Variants in MROH6 observed in about 807,000 individuals in gnomAD.
MROH6 encodes the protein maestro heat like repeat family member 6.
A neutral mutation model predicts 67.7 loss-of-function variants in MROH6; 62 were observed. The ratio of observed to expected loss-of-function variants is 0.92; its 90% CI spans 0.75 to 1.13. The LOEUF (loss-of-function observed/expected upper bound fraction) is 1.13, where lower values mean the gene tolerates loss of function less well. Ranked by LOEUF, MROH6 falls within the 50% of genes most tolerant of loss-of-function variation. The pLI, the probability that MROH6 is intolerant of heterozygous loss-of-function variation, is 0.00. For missense variants in MROH6, 1,175 were observed against 1,029.1 expected (o/e 1.14, Z -1.94); for synonymous variants, 566 against 470.8 (o/e 1.20, Z -2.62).
chr8:143,571,323 T>C (rs1268219464), intron 3 of MROH6, among the ~76,000 whole-genome samples: 1 of 151,592 alleles, frequency 6.6e-6, no homozygotes, highest in African/African-American at 2.4e-5. Flanking sequence ...CTGGGGCCAA[T>C]TAACCAAAGA....
chr8:143,568,789 G>T (rs1056538025), intron 9 of MROH6, 70 bp from the exon 10 acceptor site: 14 of 1,235,122 alleles, frequency 1.1e-5, no homozygotes, highest in African/African-American at 1.6e-5. Context: ...GGGGCGGCCA[G>T]CGCGGAGCGA....
Position 143,572,122 on chromosome 8 carries a change from G to A in MROH6, c.358C>T (p.Leu120=). Residue 120 remains leucine (L), a synonymous_variant, in exon 2 of 14, where the codon CTG becomes TTG. Coordinates refer to ENST00000398882, the MANE Select transcript of MROH6 (RefSeq NM_001100878.2). The part of the protein sequence containing the change: ...ADLALYTAAC[L]EEAGFAGTQA... Reference sequence around the variant, plus strand: ...GTCCCTGCAAAGCCAGCCTCCTCCAGGCAGGCAGCCGTGTACAACGCGAGG... The same window carrying A: ...GTCCCTGCAAAGCCAGCCTCCTCCAAGCAGGCAGCCGTGTACAACGCGAGG... 1 of 1,612,940 alleles carries A rather than the reference G, an allele frequency of 6.2e-7. No individual in the cohort carries two copies. Among genetic ancestry groups the A allele is most frequent in the Non-Finnish European group, 8.5e-7 (1 of 1,179,776 alleles).
At chr8:143,571,613 G>A (rs1483449608) in intron 3 of MROH6, 54 bp downstream of exon 3, 48 of 1,545,040 alleles carry the variant, frequency 3.1e-5, no homozygotes, top group South Asian at 4.8e-5. Context: ...ACCGCCAAGC[G>A]GGAAGAGGGA....
Position 143,570,347 on chromosome 8 carries a change from G to T in MROH6, c.939C>A (p.Thr313=), listed in dbSNP as rs201399251. Reference sequence around the variant, plus strand: ...TGACCACCATGCGGCCTCCATCCCCGGTGAGCAGCGCCTTCAAGGCCTCCA... The same window carrying T: ...TGACCACCATGCGGCCTCCATCCCCTGTGAGCAGCGCCTTCAAGGCCTCCA... The part of the protein sequence containing the change: ...CAVEALKALL[T]GDGGRMVVTC... The change falls in exon 6 of 14, where the codon ACC becomes ACA. Residue 313 remains threonine (T), a synonymous_variant. Coordinates refer to ENST00000398882, the MANE Select transcript of MROH6 (RefSeq NM_001100878.2). The T allele has an allele frequency of 1.2e-6, 2 of 1,610,670 alleles. No homozygotes were observed. Among genetic ancestry groups the T allele is most frequent in the South Asian group, 2.2e-5 (2 of 91,038 alleles).
In MROH6 at chr8:143,568,604, C is replaced by A; in HGVS notation, c.1592G>T (p.Ser531Ile). 3 of 1,546,248 alleles carry A rather than the reference C, an allele frequency of 1.9e-6. No homozygotes were observed. The highest frequency in any genetic ancestry group is 2.6e-6 in the Non-Finnish European group (3 of 1,152,828). Reference sequence around the variant, plus strand: ...CAGGCGCAGCAGCAGCGGCACGAGACTCTGCAGCACCAGCTTCCGCAGGGG... The same window carrying A: ...CAGGCGCAGCAGCAGCGGCACGAGAATCTGCAGCACCAGCTTCCGCAGGGG... ...RGPLRKLVLQ[S>I]LVPLLLRLHD... Residue 531 changes from serine to isoleucine, a missense_variant, in exon 10 of 14, where the codon AGT (serine) becomes ATT (isoleucine). Coordinates refer to ENST00000398882, the MANE Select transcript of MROH6 (RefSeq NM_001100878.2).
In MROH6 at chr8:143,571,683, A is replaced by G. The variant is rs1310889030; in HGVS notation, c.586T>C (p.Ser196Pro). 3 of 1,554,294 alleles carry G rather than the reference A, an allele frequency of 1.9e-6. No homozygotes were observed. In the East Asian group the frequency reaches 7.3e-5, roughly 38 times the overall value. Residue 196 changes from serine (S) to proline (P), a missense_variant, in exon 3 of 14, where the codon TCT becomes CCT. Coordinates refer to ENST00000398882, the MANE Select transcript of MROH6 (RefSeq NM_001100878.2). ...RDVVCALLPR[S>P]LPADRVAAEL... ...TTGGGTTACCGATCGGCGGGCAGAG[A>G]GCGGGGTAGCAGCGCACACACCACG...
Position 143,572,710 on chromosome 8 carries a change from G to C in MROH6, c.5C>G (p.Ala2Gly). 1.3e-6 allele frequency: 2 copies of C among 1,481,916 alleles called. No individual in the cohort carries two copies. The highest frequency in any genetic ancestry group is 4.5e-5 in the Admixed American group (2 of 44,752). 91.8% of individuals were successfully genotyped at this position (1,481,916 alleles called of 1,614,324 possible). The change falls in exon 1 of 14, where the codon GCT becomes GGT. Residue 2 changes from alanine (A) to glycine (G), a missense_variant. By Grantham distance (60) the Ala-to-Gly change is moderately conservative. Transcript: ENST00000398882. Reference sequence around the variant, plus strand: ...CCGGCTCCGGCCCCACACACCCCCAGCCATGGCGGCCCTTGCCTGCAGCAC... The same window carrying C: ...CCGGCTCCGGCCCCACACACCCCCACCCATGGCGGCCCTTGCCTGCAGCAC... M[A>G]GGVWGRSRAR...
intron 10 of MROH6, 59 bp downstream of exon 10, chr8:143,568,493 C>A (rs1053168048): frequency 6.8e-7 from 1 of 1,464,954 alleles, no homozygotes; most frequent in African/African-American, 1.4e-5. Flanking sequence ...AGGGGAGGCA[C>A]GGTGGGAGTG....
In MROH6 at chr8:143,572,454, A is replaced by T. The variant is rs1417358452; in HGVS notation, c.261T>A (p.Ser87Arg). The change falls in exon 1 of 14, where the codon AGT becomes AGA. Residue 87 changes from serine (S) to arginine (R), a missense_variant. By Grantham distance (110) the Ser-to-Arg change is moderately radical. Transcript: ENST00000398882. ...EAGSEPCSLN[S>R]ALEPAPEGPH... is the part of the protein sequence containing the mutation. ...GCCCCTCAGGGGCTGGTTCCAGGGC[A>T]CTGTTGAGGGAGCAGGGCTCGCTGC... 6.3e-7 allele frequency: 1 copy of T among 1,596,880 alleles called. No individual in the cohort carries two copies. Among genetic ancestry groups the T allele is most frequent in the Non-Finnish European group, 8.5e-7 (1 of 1,175,178 alleles).
At position 143,569,855 on chromosome 8, in the gene MROH6, TG is replaced by T. The variant is rs1260364830; in HGVS notation, c.1159-16del. The T allele has an allele frequency of 6.2e-7, 1 of 1,610,436 alleles. No homozygotes were observed. Among genetic ancestry groups the T allele is most frequent in the Non-Finnish European group, 8.5e-7 (1 of 1,178,746 alleles). ...CTCTGCAACAGCTAGGCGAGGCACA[TG>T]GGGTCAGCACGCCCGCGGTCCCCGT... On this transcript the variant is annotated splice_polypyrimidine_tract_variant and intron_variant, in intron 7 of 13. Coordinates refer to ENST00000398882, the MANE Select transcript of MROH6 (RefSeq NM_001100878.2).
chr8:143,568,518 G>A, intron 10 of MROH6, 34 bp downstream of exon 10: 1 of 1,499,856 alleles, frequency 6.7e-7, no homozygotes. Flanking sequence ...GTGTTGGATG[G>A]CATAGGGGTG....
At chr8:143,570,695 C>G in intron 4 of MROH6, 38 bp from the exon 5 acceptor site, 1 of 1,563,772 alleles carries the variant, frequency 6.4e-7, no homozygotes, top group Non-Finnish European at 8.6e-7. Context: ...TGGGGCACGC[C>G]TGGAGCTGCA....
rs1824002520 is a variant in MROH6 at position 143,570,993 on chromosome 8, C to A, written c.604G>T (p.Val202Leu). ...AGGCTGCGCCAGAGCTCGGCTGCTA[C>A]CCTGAGGGTTTGGAGGGGGCTGGTG... is the stretch of plus-strand genomic sequence containing the variant. ...LLPRSLPADR[V>L]AAELWRSLSR... Residue 202 changes from valine to leucine, a missense_variant and splice_region_variant, in exon 4 of 14, where the codon GTA (valine) becomes TTA (leucine). Transcript: ENST00000398882. The A allele has an allele frequency of 3.9e-6, 6 of 1,548,634 alleles. No homozygotes were observed. In the African/African-American group the frequency reaches 4.1e-5, roughly 11 times the overall value.
In MROH6 at chr8:143,567,335, C is replaced by T. The variant is rs1194657420; in HGVS notation, c.2064G>A (p.Pro688=). Residue 688 remains proline (P), a synonymous_variant, in exon 14 of 14, where the codon CCG becomes CCA. Coordinates refer to ENST00000398882, the MANE Select transcript of MROH6 (RefSeq NM_001100878.2). ...AGACTGGTGGGGGCCGGGCGGGGCG[C>T]GGGGCGATGCGGAGAAGGCGGGGCC... ...PRGPRLLRIA[P]RPARPPPVFA... 24 of 1,218,422 alleles carry T rather than the reference C, an allele frequency of 2.0e-5. No individual in the cohort carries two copies. The highest frequency in any genetic ancestry group is 2.2e-5 in the Non-Finnish European group (22 of 979,142). 75.5% of individuals were successfully genotyped at this position (1,218,422 alleles called of 1,614,324 possible).
chr8:143,572,229 C>T, intron 1 of MROH6, 44 bp from the exon 2 acceptor site: 1 of 1,601,992 alleles, frequency 6.2e-7, no homozygotes, highest in Non-Finnish European at 8.5e-7. Flanking sequence ...CAAACCTCTC[C>T]TAGCTCTCCT....
chr8:143,568,117 C>A (rs904188437), intron 11 of MROH6, 25 bp downstream of exon 11: 3 of 1,580,532 alleles, frequency 1.9e-6, no homozygotes, highest in Non-Finnish European at 2.6e-6. Context: ...TACCCCCTTG[C>A]GGTCACCTTG....
In MROH6 at chr8:143,570,557, T is replaced by C; in HGVS notation, c.821A>G (p.His274Arg). 6.2e-7 allele frequency: 1 copy of C among 1,609,726 alleles called. No homozygotes were observed. The change falls in exon 5 of 14, where the codon CAC becomes CGC. Residue 274 changes from histidine (H) to arginine (R), a missense_variant. Transcript: ENST00000398882. ...HLLLALVTQL[H>R]KLARSPCSPD... ...GGAGCACGGGCTGCGGGCCAGCTTG[T>C]GCAGCTGTGTGACCAGCGCAAGCAG...
intron 3 of MROH6, among the ~76,000 whole-genome samples, chr8:143,571,401 G>C (rs550330725): frequency 6.6e-6 from 1 of 152,196 alleles, no homozygotes; most frequent in South Asian, 2.1e-4. Flanking sequence ...ACCCCAGGAC[G>C]GTCTCCAGGG....
Position 143,570,957 on chromosome 8 carries a change from G to A in MROH6, c.640C>T (p.Gln214Ter). The change falls in exon 4 of 14, where the codon CAG becomes TAG. Residue 214 changes from glutamine to a stop codon, truncating the protein, a stop_gained. Transcript: ENST00000398882. LOFTEE classifies it high-confidence loss of function. ...ACCAGCACCTGCCCATTTACACGCT[G>A]GTTACGGCTTAGGCTGCGCCAGAGC... ...AELWRSLSRNQRVNGQVLVQL... is the reference protein window; with the variant it reads ...AELWRSLSRN 1 of 1,549,164 alleles carries A rather than the reference G, an allele frequency of 6.5e-7. No individual in the cohort carries two copies. The highest frequency in any genetic ancestry group is 1.2e-5 in the South Asian group (1 of 83,988).
Sources: gnomAD v4.1 joint callset for allele counts (sites outside exome capture counted in the v4.1 genomes callset) on GRCh38, gnomAD v4.1.1 for gene constraint, MANE v1.5 for transcripts, NCBI Gene and HGNC (gene_info 2026-07-23, HGNC 2026-07-21) for gene names.